GABRB2: variants seen among roughly 807,000 people sequenced by gnomAD.
GABRB2 encodes the protein gamma-aminobutyric acid type A receptor subunit beta2, also known as gamma-aminobutyric acid receptor subunit beta-2.
Under a neutral mutation model 54.7 loss-of-function variants are expected in GABRB2, and 16 were observed. The observed-to-expected ratio is 0.29, with a 90% CI of 0.20 to 0.44. GABRB2 has a LOEUF of 0.44. Among genes scored for constraint, GABRB2 ranks in the 20% least tolerant of loss-of-function variants. The probability of loss-of-function intolerance (pLI) is 1.00; values close to 1 mark genes in which losing one functional copy is unlikely to be tolerated. For synonymous variants in GABRB2, 244 were observed against 233.8 expected, an observed-to-expected ratio of 1.04 and a Z score of -0.40; for missense variants, 355 against 644.0, an observed-to-expected ratio of 0.55 and a Z score of 4.86.
At chr5:161,465,754 T>C (rs1758260458) in intron 3 of GABRB2, among the ~76,000 whole-genome samples, 1 of 152,150 alleles carries the variant, frequency 6.6e-6, no homozygotes, top group South Asian at 2.1e-4. Flanking sequence ...TACACACACA[T>C]ACATATACAT....
At chr5:161,336,919 A>G (rs1374316211) in intron 5 of GABRB2, 150 bp from the exon 6 acceptor site, 2 of 829,072 alleles carry the variant, frequency 2.4e-6, no homozygotes, top group South Asian at 1.9e-5. Context: ...TTGGTATCAT[A>G]CTAAACATTT....
chr5:161,316,357 GA>G (rs376928454), intron 9 of GABRB2, among the ~76,000 whole-genome samples: 59 of 149,518 alleles, frequency 3.9e-4, no homozygotes, highest in African/African-American at 8.8e-4. Flanking sequence ...TCCAAGATTG[GA>G]AAAAAAAAAT....
intron 3 of GABRB2, among the ~76,000 whole-genome samples, chr5:161,460,468 A>G (rs576926708): frequency 1.3e-5 from 2 of 152,354 alleles, no homozygotes; most frequent in African/African-American, 4.8e-5. Context: ...AATATTTCCG[A>G]GGAAGAAAGA....
At chr5:161,475,396 A>G (rs1758563309) in intron 3 of GABRB2, among the ~76,000 whole-genome samples, 1 of 151,966 alleles carries the variant, frequency 6.6e-6, no homozygotes, top group African/African-American at 2.4e-5. Context: ...TCTGCCAAAC[A>G]TTTATAAAAT....
intron 9 of GABRB2, among the ~76,000 whole-genome samples, chr5:161,325,345 C>A (rs1488714132): frequency 6.6e-6 from 1 of 151,996 alleles, no homozygotes; most frequent in East Asian, 1.9e-4. Context: ...ACATCTCTTC[C>A]ATAATTTAAT....
intron 5 of GABRB2, among the ~76,000 whole-genome samples, chr5:161,397,693 G>A (rs926212213): frequency 6.6e-6 from 1 of 152,164 alleles, no homozygotes; most frequent in East Asian, 1.9e-4. Flanking sequence ...AGGGACAGAA[G>A]AATCACTTCC....
rs548739198 is a variant in GABRB2 at position 161,427,776 on chromosome 5, A to G, written c.459-16719T>C. Among the ~76,000 whole-genome samples, 4 of 152,322 alleles carry G rather than the reference A, an allele frequency of 2.6e-5. No homozygotes were observed. The East Asian group carries it at 7.7e-4, about 29-fold the overall frequency. ...AGGTAAAGATATATTTCTGTCAGGT[A>G]ATTATTAACAAAATGGTTTAGGAGT... On this transcript the variant is annotated intron_variant, in intron 4 of 9. Transcript: ENST00000393959.
At chr5:161,493,376 G>A (rs983728039) in intron 3 of GABRB2, among the ~76,000 whole-genome samples, 3 of 151,584 alleles carry the variant, frequency 2.0e-5, no homozygotes, top group African/African-American at 7.3e-5. Context: ...TGGAAAATAA[G>A]TATGAGAGAA....
chr5:161,426,745 C>T (rs1757010653), intron 4 of GABRB2, among the ~76,000 whole-genome samples: 1 of 151,996 alleles, frequency 6.6e-6, no homozygotes, highest in Non-Finnish European at 1.5e-5. Context: ...GGTATAAATA[C>T]TCATGTTGGA....
At chr5:161,545,941 A>C (rs1760971033) in intron 2 of GABRB2, among the ~76,000 whole-genome samples, 1 of 151,934 alleles carries the variant, frequency 6.6e-6, no homozygotes, top group African/African-American at 2.4e-5. Flanking sequence ...CTCTCAACCA[A>C]CTGCCTGCAC....
intron 3 of GABRB2, among the ~76,000 whole-genome samples, chr5:161,469,920 A>G (rs1758389618): frequency 6.6e-6 from 1 of 151,986 alleles, no homozygotes; most frequent in Non-Finnish European, 1.5e-5. Flanking sequence ...AAAGTGAACA[A>G]TCTGAGATAG....
At chr5:161,450,051 G>T (rs1757747124) in intron 4 of GABRB2, among the ~76,000 whole-genome samples, 1 of 151,976 alleles carries the variant, frequency 6.6e-6, no homozygotes, top group Non-Finnish European at 1.5e-5. Context: ...TTGCAGACAA[G>T]GTCTACTTCC....
chr5:161,372,155 C>T (rs1188157404), intron 5 of GABRB2, among the ~76,000 whole-genome samples: 1 of 152,114 alleles, frequency 6.6e-6, no homozygotes, highest in Non-Finnish European at 1.5e-5. Context: ...TCTGGACCAC[C>T]CACAGTATTT....
chr5:161,457,383 C>T (rs967014251), intron 4 of GABRB2, among the ~76,000 whole-genome samples: 1 of 151,802 alleles, frequency 6.6e-6, no homozygotes, highest in Non-Finnish European at 1.5e-5. Flanking sequence ...TGATTAATGA[C>T]TTAATGATAT....
chr5:161,536,916 G>A (rs1272897575), intron 3 of GABRB2, among the ~76,000 whole-genome samples: 1 of 151,950 alleles, frequency 6.6e-6, no homozygotes, highest in African/African-American at 2.4e-5. Context: ...CTTTTTAAAA[G>A]CTGTTTCCCT....
At chr5:161,442,806 A>ATGT (rs1262240611) in intron 4 of GABRB2, among the ~76,000 whole-genome samples, 3 of 151,774 alleles carry the variant, frequency 2.0e-5, no homozygotes, top group Non-Finnish European at 4.4e-5. Context: ...GCCCTGTGAC[A>ATGT]TGTTCCCCCA....
At chr5:161,458,088 T>G (rs1758015036) in intron 4 of GABRB2, among the ~76,000 whole-genome samples, 1 of 152,154 alleles carries the variant, frequency 6.6e-6, no homozygotes, top group Non-Finnish European at 1.5e-5. Context: ...GCTTAACTTT[T>G]TAAAAATATT....
At position 161,294,113 on chromosome 5, in the gene GABRB2, TGAA is replaced by T; in HGVS notation, c.1504_1506del (p.Phe502del). The T allele has an allele frequency of 6.2e-7, 1 of 1,613,626 alleles. No individual in the cohort carries two copies. ...ACATAATAAAGCCAATAGACGATGT[TGAA>T]GAAGGAAAAAACCACTGGGAAGAAT... is the stretch of plus-strand genomic sequence containing the variant. On this transcript the variant is annotated inframe_deletion, in exon 10 of 10. Coordinates refer to ENST00000393959, the MANE Select transcript of GABRB2 (RefSeq NM_001371727.1).
chr5:161,541,014 T>A (rs934048814), intron 3 of GABRB2, among the ~76,000 whole-genome samples: 4 of 151,936 alleles, frequency 2.6e-5, no homozygotes, highest in Non-Finnish European at 4.4e-5. Flanking sequence ...CCTAGCTAAT[T>A]TTTGTATTTT....
Sources: allele counts gnomAD v4.1 joint callset (sites outside exome capture counted in the v4.1 genomes callset), GRCh38; gene constraint gnomAD v4.1.1; transcripts MANE v1.5; gene names NCBI Gene and HGNC (gene_info 2026-07-23, HGNC 2026-07-21).